Variants in KCNIP4 observed in about 807,000 individuals in gnomAD.
KCNIP4 encodes Kv channel-interacting protein 4.
Under a neutral mutation model 34.0 loss-of-function variants are expected in KCNIP4, and 12 were observed. The observed-to-expected ratio is 0.35, with a 90% CI of 0.23 to 0.57. The LOEUF is 0.57. Among genes scored for constraint, KCNIP4 ranks in the 20% least tolerant of loss-of-function variants. The probability of loss-of-function intolerance (pLI) is 0.83; values close to 1 mark genes in which losing one functional copy is unlikely to be tolerated. For missense variants in KCNIP4, 238 were observed against 311.7 expected (o/e 0.76, Z 1.78); for synonymous variants, 124 against 102.2 (o/e 1.21, Z -1.29).
chr4:21,233,257 G>C (rs1222485464), intron 1 of KCNIP4, among the ~76,000 whole-genome samples: 1 of 152,110 alleles, frequency 6.6e-6, no homozygotes, highest in African/African-American at 2.4e-5. Flanking sequence ...CAGTGGGGTG[G>C]AAGGAACTGA....
chr4:21,618,537 C>G (rs952527827), intron 1 of KCNIP4, among the ~76,000 whole-genome samples: 2 of 151,132 alleles, frequency 1.3e-5, no homozygotes, highest in African/African-American at 4.9e-5. Flanking sequence ...TGCATTCTCT[C>G]TTTCTCCTTC....
chr4:21,781,158 T>A (rs910870098), intron 1 of KCNIP4, among the ~76,000 whole-genome samples: 4 of 152,134 alleles, frequency 2.6e-5, no homozygotes, highest in African/African-American at 7.2e-5. Context: ...TGGGGGTGGT[T>A]TCCCCCATGC....
rs144244524 is a variant in KCNIP4, at chr4:21,256,764, C to G, written c.62-374055G>C. 7.9e-5 allele frequency among the ~76,000 whole-genome samples: 12 copies of G among 152,212 alleles called. No homozygotes were observed. In the East Asian group the frequency reaches 2.1e-3, roughly 27 times the overall value. On this transcript the variant is annotated intron_variant, in intron 1 of 8. Coordinates refer to ENST00000382152, the MANE Select transcript of KCNIP4 (RefSeq NM_025221.6). ...TGCTTTAAAGATTATCTGAAAGCTG[C>G]ATGGATAATTGATTGTGCTTTGGGA...
Position 21,256,352 on chromosome 4 carries a change from G to A in KCNIP4, c.62-373643C>T, listed in dbSNP as rs868454475. 3.3e-5 allele frequency among the ~76,000 whole-genome samples: 5 copies of A among 151,690 alleles called. No homozygotes were observed. In the South Asian group the frequency reaches 6.3e-4, roughly 19 times the overall value. On this transcript the variant is annotated intron_variant, in intron 1 of 8. Coordinates refer to ENST00000382152, the MANE Select transcript of KCNIP4 (RefSeq NM_025221.6). ...CAGCATTTGGGGAGGCCCACATTCC[G>A]GGATGATGGCTTGAGCCAGGAGTTT...
chr4:20,926,134 C>T (rs930101836), intron 1 of KCNIP4, among the ~76,000 whole-genome samples: 4 of 152,216 alleles, frequency 2.6e-5, no homozygotes, highest in African/African-American at 9.6e-5. Flanking sequence ...AGTGAATCCT[C>T]CTGAAATCCA....
intron 1 of KCNIP4, among the ~76,000 whole-genome samples, chr4:21,640,311 C>T (rs1746519614): frequency 6.6e-6 from 1 of 152,202 alleles, no homozygotes; most frequent in African/African-American, 2.4e-5. Flanking sequence ...TTTCCTTATT[C>T]AGTGGTAGCA....
chr4:20,979,523 C>G (rs557567369), intron 1 of KCNIP4, among the ~76,000 whole-genome samples: 1 of 151,846 alleles, frequency 6.6e-6, no homozygotes, highest in Admixed American at 6.6e-5. Context: ...CTCAGCCTCC[C>G]GAGTAGCTGG....
chr4:21,250,899 T>C (rs1359736746), intron 1 of KCNIP4, among the ~76,000 whole-genome samples: 1 of 150,262 alleles, frequency 6.7e-6, no homozygotes, highest in African/African-American at 2.4e-5. Context: ...ATTATACTCA[T>C]ATATGTTTCT....
At chr4:21,820,285 G>GTATA (rs869204752) in intron 1 of KCNIP4, among the ~76,000 whole-genome samples, 154 of 20,530 alleles carry the variant, frequency 7.5e-3, no homozygotes, top group African/African-American at 0.013. Context: ...GTGTGTGTGT[G>GTATA]TATATATATA....
chr4:21,221,523 T>C (rs937744539), intron 1 of KCNIP4, among the ~76,000 whole-genome samples: 10 of 152,090 alleles, frequency 6.6e-5, no homozygotes, highest in African/African-American at 1.9e-4. Flanking sequence ...CTTATAAAAC[T>C]ATCAGATCTT....
intron 1 of KCNIP4, among the ~76,000 whole-genome samples, chr4:21,674,978 G>C (rs1749778288): frequency 6.6e-6 from 1 of 151,968 alleles, no homozygotes; most frequent in South Asian, 2.1e-4. Flanking sequence ...ACAAAATCTG[G>C]GTTTTTGTCT....
At chr4:21,107,546 T>G (rs1446392997) in intron 1 of KCNIP4, among the ~76,000 whole-genome samples, 1 of 149,778 alleles carries the variant, frequency 6.7e-6, no homozygotes, top group Non-Finnish European at 1.5e-5. Flanking sequence ...GTCTTGACTC[T>G]TTATCCAATT....
chr4:21,450,019 C>A (rs930027140), intron 1 of KCNIP4, among the ~76,000 whole-genome samples: 3 of 152,086 alleles, frequency 2.0e-5, no homozygotes, highest in African/African-American at 7.2e-5. Context: ...AGACTTAGAA[C>A]AAGCCTACAG....
rs549734052 is a variant in KCNIP4, at chr4:21,124,163, A to G, written c.62-241454T>C. 2.6e-5 allele frequency among the ~76,000 whole-genome samples: 4 copies of G among 152,290 alleles called. No homozygotes were observed. In the South Asian group the frequency reaches 8.3e-4, roughly 32 times the overall value. Reference sequence around the variant, plus strand: ...GGTTTAACAGAATAGTTGTATTTTCATGGCTGCTCCTTTATTCAACTTGTG... The same window carrying G: ...GGTTTAACAGAATAGTTGTATTTTCGTGGCTGCTCCTTTATTCAACTTGTG... On this transcript the variant is annotated intron_variant, in intron 1 of 8. Transcript: ENST00000382152.
intron 1 of KCNIP4, among the ~76,000 whole-genome samples, chr4:21,358,361 G>T (rs1718874885): frequency 1.3e-5 from 2 of 151,956 alleles, no homozygotes; most frequent in South Asian, 2.1e-4. Flanking sequence ...AGTGATTCGG[G>T]TCCTGTCTCT....
intron 1 of KCNIP4, among the ~76,000 whole-genome samples, chr4:21,675,311 T>C (rs1749804476): frequency 6.6e-6 from 1 of 151,964 alleles, no homozygotes; most frequent in African/African-American, 2.4e-5. Flanking sequence ...GGAGAAGTTG[T>C]GGGGGAGGTG....
chr4:20,796,891 A>C (rs1458931264), intron 3 of KCNIP4, among the ~76,000 whole-genome samples: 1 of 152,230 alleles, frequency 6.6e-6, no homozygotes, highest in African/African-American at 2.4e-5. Context: ...CACAGCACTC[A>C]GTGCAGATCA....
chr4:21,027,458 A>G (rs1408074895), intron 1 of KCNIP4, among the ~76,000 whole-genome samples: 1 of 152,030 alleles, frequency 6.6e-6, no homozygotes, highest in Non-Finnish European at 1.5e-5. Context: ...GAGGCAGGAG[A>G]GTCAGGGACG....
Position 20,802,395 on chromosome 4 carries a change from A to G in KCNIP4, c.289-43505T>C, listed in dbSNP as rs1180636092. On this transcript the variant is annotated intron_variant, in intron 3 of 8. Coordinates refer to ENST00000382152, the MANE Select transcript of KCNIP4 (RefSeq NM_025221.6). Reference sequence around the variant, plus strand: ...TATAAACCTGAAGAGCAAAATAGAAATACAATAATAGTAGGGAACTTTAAT... The same window carrying G: ...TATAAACCTGAAGAGCAAAATAGAAGTACAATAATAGTAGGGAACTTTAAT... Among the ~76,000 whole-genome samples the G allele has an allele frequency of 2.6e-5, 4 of 151,800 alleles. No individual in the cohort carries two copies. The East Asian group carries it at 7.7e-4, about 29-fold the overall frequency.
Sources: allele counts gnomAD v4.1 joint callset (sites outside exome capture counted in the v4.1 genomes callset), GRCh38; gene constraint gnomAD v4.1.1; transcripts MANE v1.5; gene names NCBI Gene and HGNC (gene_info 2026-07-23, HGNC 2026-07-21).